Variants in IFNAR2 observed in about 807,000 individuals in gnomAD.
IFNAR2 encodes the protein interferon alpha/beta receptor 2.
IFNAR2 carries 30 observed loss-of-function variants against 49.4 expected under a neutral mutation model. The ratio of observed to expected loss-of-function variants is 0.61; its 90% CI spans 0.45 to 0.82. The LOEUF (loss-of-function observed/expected upper bound fraction) is 0.82, where lower values mean the gene tolerates loss of function less well. Ranked by LOEUF, IFNAR2 falls within the 40% of genes least tolerant of loss-of-function variation. The probability of loss-of-function intolerance (pLI) is 0.00; values close to 1 mark genes in which losing one functional copy is unlikely to be tolerated. For synonymous variants in IFNAR2, 224 were observed against 234.5 expected (o/e 0.96, Z 0.41); for missense variants, 600 against 622.7 (o/e 0.96, Z 0.39).
At chr21:33,242,051 A>C in intron 2 of IFNAR2, 74 bp downstream of exon 2, 1 of 1,446,088 alleles carries the variant, frequency 6.9e-7, no homozygotes, top group Non-Finnish European at 9.5e-7. Flanking sequence ...CACTGGCAGG[A>C]AGTCGCAAAC....
At chr21:33,245,400 G>T (rs1361979270) in intron 4 of IFNAR2, among the ~76,000 whole-genome samples, 1 of 152,228 alleles carries the variant, frequency 6.6e-6, no homozygotes, top group Non-Finnish European at 1.5e-5. Context: ...AATTCAGTCA[G>T]TCTGAATGTT....
chr21:33,246,419 G>A (rs1987413763), intron 4 of IFNAR2, among the ~76,000 whole-genome samples: 1 of 152,162 alleles, frequency 6.6e-6, no homozygotes, highest in South Asian at 2.1e-4. Context: ...GGGTCCAACT[G>A]TGAACCAAAG....
intron 1 of IFNAR2, among the ~76,000 whole-genome samples, chr21:33,236,539 C>T (rs574970295): frequency 2.0e-5 from 3 of 152,310 alleles, no homozygotes; most frequent in South Asian, 2.1e-4. Flanking sequence ...GTCCATGGGG[C>T]GAGGCTGGAG....
intron 6 of IFNAR2, chr21:33,251,711 T>C (rs1663792471): frequency 1.0e-6 from 1 of 985,024 alleles, no homozygotes; most frequent in Non-Finnish European, 1.2e-6. Flanking sequence ...ACAAAAGTTA[T>C]TATTCATGAA....
Position 33,248,812 on chromosome 21 carries a change from A to C in IFNAR2, c.498A>C (p.Leu166Phe), listed in dbSNP as rs764980427. ...SIVEEELQFD[L>F]SLVIEEQSEG... is the part of the protein sequence containing the mutation. ...TTGAGGAAGAATTACAGTTTGATTT[A>C]TCTCTCGTCATTGAAGAACAGTCAG... Residue 166 changes from leucine (L) to phenylalanine (F), a missense_variant, in exon 6 of 9, where the codon TTA becomes TTC. Coordinates refer to ENST00000342136, the MANE Select transcript of IFNAR2 (RefSeq NM_001289125.3). 2.7e-5 allele frequency: 43 copies of C among 1,609,524 alleles called. No homozygotes were observed. In the Admixed American group the frequency reaches 6.8e-4, roughly 25 times the overall value.
rs1253003188 is a variant in IFNAR2 at position 33,265,528 on chromosome 21, C to CT, written c.*2029dup. Reference sequence around the variant, plus strand: ...GCCTTCTCAGTGCATCTGTCATATTCTGAAAGATTCTGGGTTGATCTTTTG... The same window carrying CT: ...GCCTTCTCAGTGCATCTGTCATATTCTTGAAAGATTCTGGGTTGATCTTTTG... On this transcript the variant is annotated 3_prime_UTR_variant, in exon 9 of 9. Transcript: ENST00000342136. 10 of 158,904 alleles carry CT rather than the reference C, an allele frequency of 6.3e-5. No individual in the cohort carries two copies. Among genetic ancestry groups the CT allele is most frequent in the African/African-American group, 2.4e-4 (10 of 41,434 alleles). The allele number at this position is 158,904 out of a possible 1,614,324, so 9.8% of individuals were successfully genotyped here.
intron 7 of IFNAR2, among the ~76,000 whole-genome samples, chr21:33,254,437 A>C (rs1988073958): frequency 6.6e-6 from 1 of 152,228 alleles, no homozygotes. Context: ...TGGCCCTGCA[A>C]AGCTGTCTCT....
intron 8 of IFNAR2, 126 bp from the exon 9 acceptor site, chr21:33,262,667 T>C: frequency 7.3e-7 from 1 of 1,366,520 alleles, no homozygotes; most frequent in Non-Finnish European, 1.0e-6. Flanking sequence ...TGCCTAAGCT[T>C]CCCCAGTAGC....
intron 1 of IFNAR2, among the ~76,000 whole-genome samples, chr21:33,234,440 A>G (rs1986298269): frequency 6.6e-6 from 1 of 152,126 alleles, no homozygotes; most frequent in Non-Finnish European, 1.5e-5. Flanking sequence ...AAAGATATGT[A>G]ATTGTTTTTG....
chr21:33,257,482 A>G (rs1988285093), intron 7 of IFNAR2, among the ~76,000 whole-genome samples: 1 of 152,098 alleles, frequency 6.6e-6, no homozygotes, highest in South Asian at 2.1e-4. Context: ...TTTCTGTCCT[A>G]TCAGAGTGCC....
intron 1 of IFNAR2, chr21:33,236,863 C>T: frequency 3.0e-6 from 3 of 985,274 alleles, no homozygotes; most frequent in Non-Finnish European, 3.6e-6. Flanking sequence ...GAGACTAGCC[C>T]TGTTGACAGG....
Position 33,230,109 on chromosome 21 carries a change from G to C in IFNAR2, c.-191G>C. ...CCCCGCCCGCCGCTTCTGTCCGAGA[G>C]GCCGCCCGCGAGGCGCATCCTGACC... On this transcript the variant is annotated 5_prime_UTR_variant, in exon 1 of 9. Transcript: ENST00000342136. The surrounding 1 kb of genome is among the most constrained non-coding windows in gnomAD (Gnocchi z 5.5). 1.0e-6 allele frequency: 1 copy of C among 990,140 alleles called. No homozygotes were observed. The highest frequency in any genetic ancestry group is 1.2e-6 in the Non-Finnish European group (1 of 832,226). 61.3% of individuals were successfully genotyped at this position (990,140 alleles called of 1,614,324 possible).
At position 33,244,981 on chromosome 21, in the gene IFNAR2, TATC is replaced by T; in HGVS notation, c.131_133del (p.Ser44del). 1.9e-6 allele frequency: 3 copies of T among 1,613,368 alleles called. No homozygotes were observed. The highest frequency in any genetic ancestry group is 2.5e-6 in the Non-Finnish European group (3 of 1,179,302). On this transcript the variant is annotated inframe_deletion, in exon 4 of 9. Coordinates refer to ENST00000342136, the MANE Select transcript of IFNAR2 (RefSeq NM_001289125.3). Reference sequence around the variant, plus strand: ...ACAGATGAATCTTGCACTTTCAAGATATCATTGCGAAATTTCCGGTCCATCTTA... The same window carrying T: ...ACAGATGAATCTTGCACTTTCAAGATATTGCGAAATTTCCGGTCCATCTTA...
chr21:33,251,637 T>A lies in IFNAR2; in HGVS notation c.541-1025T>A, dbSNP rs1468755062. The A allele has an allele frequency of 4.1e-6, 4 of 985,292 alleles. No individual in the cohort carries two copies. In the Admixed American group the frequency reaches 2.5e-4, roughly 61 times the overall value. The allele number at this position is 985,292 out of a possible 1,614,324, so 61.0% of individuals were successfully genotyped here. A position where few individuals can be genotyped will look rare whatever the true frequency, so the allele number is the denominator to read the frequency against. On this transcript the variant is annotated intron_variant, in intron 6 of 8. Coordinates refer to ENST00000342136, the MANE Select transcript of IFNAR2 (RefSeq NM_001289125.3). ...TCATTACTGAAGGCTGTATTTGAGC[T>A]GCTAGGAATCCTCATTTATTAAACT...
intron 7 of IFNAR2, among the ~76,000 whole-genome samples, chr21:33,254,241 C>A (rs984632628): frequency 6.6e-6 from 1 of 152,154 alleles, no homozygotes. Context: ...GTGGTCCAGA[C>A]GTGCCTCACG....
chr21:33,248,444 A>G (rs1482486256), intron 5 of IFNAR2, among the ~76,000 whole-genome samples: 3 of 152,178 alleles, frequency 2.0e-5, no homozygotes, highest in Non-Finnish European at 4.4e-5. Context: ...ATTATTAAGG[A>G]CAAATGCAAA....
intron 6 of IFNAR2, among the ~76,000 whole-genome samples, chr21:33,249,343 CAAAAA>C (rs58744346): frequency 4.7e-5 from 5 of 107,182 alleles, no homozygotes; most frequent in Non-Finnish European, 3.7e-5. Context: ...GACTCCGTCT[CAAAAA>C]AAAAAAAAAA....
intron 3 of IFNAR2, among the ~76,000 whole-genome samples, chr21:33,244,528 T>A (rs1410192685): frequency 6.6e-6 from 1 of 152,196 alleles, no homozygotes; most frequent in Non-Finnish European, 1.5e-5. Context: ...CTGAGCTACT[T>A]AAGGAGGACT....
Position 33,241,953 on chromosome 21 carries a change from A to G in IFNAR2, c.31A>G (p.Arg11Gly), listed in dbSNP as rs530997490. 3.0e-5 allele frequency: 48 copies of G among 1,612,794 alleles called. No individual in the cohort carries two copies. The highest frequency in any genetic ancestry group is 4.0e-5 in the Non-Finnish European group (47 of 1,179,406). The change falls in exon 2 of 9, where the codon AGA (arginine) becomes GGA (glycine). Residue 11 changes from arginine (R) to glycine (G), a missense_variant. Arg to Gly is a moderately radical substitution (Grantham distance 125, BLOSUM62 -2). Transcript: ENST00000342136. MLLSQNAFIF[R>G]SLNLVLMVYI... Reference sequence around the variant, plus strand: ...TTTGAGCCAGAATGCCTTCATCTTCAGATCACTTAATTTGGTTCTCATGGG... The same window carrying G: ...TTTGAGCCAGAATGCCTTCATCTTCGGATCACTTAATTTGGTTCTCATGGG...
Sources: allele counts gnomAD v4.1 joint callset (sites outside exome capture counted in the v4.1 genomes callset), GRCh38; gene constraint gnomAD v4.1.1; non-coding constraint Gnocchi (gnomAD v3.1); transcripts MANE v1.5; gene names NCBI Gene and HGNC (gene_info 2026-07-23, HGNC 2026-07-21).